FUT9: variants seen among roughly 807,000 people sequenced by gnomAD.
FUT9 encodes 4-galactosyl-N-acetylglucosaminide 3-alpha-L-fucosyltransferase 9.
FUT9 carries 15 observed loss-of-function variants against 29.7 expected under a neutral mutation model. That is an observed-to-expected ratio of 0.51 (90% CI 0.34 to 0.78). The LOEUF is 0.78. FUT9 is among the 30% of genes least tolerant of loss of function. The pLI, the probability that FUT9 is intolerant of heterozygous loss-of-function variation, is 0.01. For missense variants in FUT9, 319 were observed against 425.4 expected, an observed-to-expected ratio of 0.75 and a Z score of 2.20; for synonymous variants, 169 against 153.7, an observed-to-expected ratio of 1.10 and a Z score of -0.74.
At chr6:96,141,393 A>G (rs1332818039) in intron 2 of FUT9, among the ~76,000 whole-genome samples, 2 of 152,196 alleles carry the variant, frequency 1.3e-5, no homozygotes, top group Admixed American at 6.5e-5. Flanking sequence ...TCCTCTCTGT[A>G]TCTTTCTATT....
At chr6:96,130,609 T>A (rs11156226) in intron 2 of FUT9, among the ~76,000 whole-genome samples, 28,192 of 152,214 alleles carry the variant, frequency 0.19, 2,789 homozygotes, top group South Asian at 0.27. Context: ...TTGCTATAAT[T>A]ATGAATACCC....
chr6:96,021,111 A>G (rs1347110849), intron 1 of FUT9: 1 of 152,078 alleles, frequency 6.6e-6, no homozygotes, highest in Non-Finnish European at 1.5e-5. Context: ...AAGGGTGTCC[A>G]GGAAAAACTC....
At chr6:96,187,103 T>C (rs115732811) in intron 2 of FUT9, among the ~76,000 whole-genome samples, 152 of 152,104 alleles carry the variant, frequency 1.0e-3, no homozygotes, top group African/African-American at 3.4e-3. Flanking sequence ...AAGCCTAATG[T>C]TAGAAAAAAG....
rs1480121419 is a variant in FUT9 at position 96,108,582 on chromosome 6, G to GA, written c.-97-5457_-97-5456insA. Among the ~76,000 whole-genome samples the GA allele has an allele frequency of 5.8e-4, 88 of 152,152 alleles. 1 individual carries two copies. Among genetic ancestry groups the GA allele is most frequent in the African/African-American group, 2.0e-3 (84 of 41,526 alleles). ...AATCAAGCTCTCAGCATGACCCAGG[G>GA]GTTCTCCAGCTCACCTTCACTGCCT... On this transcript the variant is annotated intron_variant, in intron 1 of 2. Transcript: ENST00000302103.
chr6:96,076,625 T>C (rs1277136679), intron 1 of FUT9, among the ~76,000 whole-genome samples: 1 of 152,224 alleles, frequency 6.6e-6, no homozygotes, highest in African/African-American at 2.4e-5. Flanking sequence ...AAGTATAAAG[T>C]AAATAATTTA....
chr6:96,105,597 T>C (rs1771664033), intron 1 of FUT9, among the ~76,000 whole-genome samples: 1 of 152,210 alleles, frequency 6.6e-6, no homozygotes, highest in African/African-American at 2.4e-5. Context: ...TTTGTCTAAA[T>C]GAAAAGCTGT....
intron 1 of FUT9, among the ~76,000 whole-genome samples, chr6:96,090,994 A>C (rs1771403309): frequency 6.6e-6 from 1 of 152,124 alleles, no homozygotes; most frequent in African/African-American, 2.4e-5. Context: ...TTCAGGCAAG[A>C]ATCATCAATA....
At chr6:96,044,852 TGAC>T (rs1159196963) in intron 1 of FUT9, among the ~76,000 whole-genome samples, 8 of 152,230 alleles carry the variant, frequency 5.3e-5, no homozygotes, top group Non-Finnish European at 1.0e-4. Context: ...TAAGTAATGA[TGAC>T]AGGCTTAGTG....
chr6:96,139,179 G>A (rs1366231503), intron 2 of FUT9, among the ~76,000 whole-genome samples: 1 of 152,098 alleles, frequency 6.6e-6, no homozygotes, highest in Admixed American at 6.5e-5. Flanking sequence ...TTCCAAGTGG[G>A]AGAAAATGGC....
chr6:96,090,428 A>G (rs1771392145), intron 1 of FUT9, among the ~76,000 whole-genome samples: 1 of 152,014 alleles, frequency 6.6e-6, no homozygotes, highest in South Asian at 2.1e-4. Context: ...TTAAAAGTAG[A>G]TGAAAGTGTT....
intron 2 of FUT9, among the ~76,000 whole-genome samples, chr6:96,120,269 C>CTTT (rs11347804): frequency 0.037 from 3,370 of 91,392 alleles, 116 homozygotes; most frequent in South Asian, 0.089. Flanking sequence ...TTTTTTCTTT[C>CTTT]TTTTTTTTTT....
chr6:96,182,047 C>T (rs1773318906), intron 2 of FUT9, among the ~76,000 whole-genome samples: 1 of 151,962 alleles, frequency 6.6e-6, no homozygotes. Context: ...CCCACCAGCA[C>T]TGTAGAAGTG....
intron 2 of FUT9, among the ~76,000 whole-genome samples, chr6:96,125,483 G>C (rs1202340515): frequency 6.6e-6 from 1 of 152,056 alleles, no homozygotes; most frequent in Non-Finnish European, 1.5e-5. Flanking sequence ...TTTAAAATCT[G>C]GTATTGTCTA....
At chr6:96,090,279 T>A (rs1307707710) in intron 1 of FUT9, among the ~76,000 whole-genome samples, 1 of 151,250 alleles carries the variant, frequency 6.6e-6, no homozygotes, top group African/African-American at 2.4e-5. Flanking sequence ...CTTTTGGAAA[T>A]AAATTTGTAA....
chr6:96,120,253 T>G (rs2127964459), intron 2 of FUT9, among the ~76,000 whole-genome samples: 1 of 145,934 alleles, frequency 6.9e-6, no homozygotes, highest in African/African-American at 2.5e-5. Flanking sequence ...TAAGACCCAC[T>G]TTTTCTTTTT....
At chr6:96,134,214 A>T (rs1772304215) in intron 2 of FUT9, among the ~76,000 whole-genome samples, 1 of 151,936 alleles carries the variant, frequency 6.6e-6, no homozygotes, top group Non-Finnish European at 1.5e-5. Context: ...TACTATTTAG[A>T]TGTATATGTT....
chr6:96,051,323 A>G (rs1770665729), intron 1 of FUT9, among the ~76,000 whole-genome samples: 1 of 152,258 alleles, frequency 6.6e-6, no homozygotes, highest in African/African-American at 2.4e-5. Context: ...GATAATATAG[A>G]TACTGTTACA....
intron 1 of FUT9, among the ~76,000 whole-genome samples, chr6:96,068,219 G>T (rs1277310372): frequency 6.6e-6 from 1 of 151,998 alleles, no homozygotes; most frequent in Non-Finnish European, 1.5e-5. Flanking sequence ...TCATATTTGA[G>T]GCCATGAAAT....
chr6:96,096,708 C>G (rs200612095), intron 1 of FUT9, among the ~76,000 whole-genome samples: 84 of 6,380 alleles, frequency 0.013, no homozygotes, highest in African/African-American at 0.036. Context: ...GTGTGTGTGT[C>G]TTATTCTTTC....
Sources: gnomAD v4.1 joint callset for allele counts (sites outside exome capture counted in the v4.1 genomes callset) on GRCh38, gnomAD v4.1.1 for gene constraint, MANE v1.5 for transcripts, NCBI Gene and HGNC (gene_info 2026-07-23, HGNC 2026-07-21) for gene names.